Variants in PDK1 observed in about 807,000 individuals in gnomAD.
The protein encoded by PDK1 is pyruvate dehydrogenase kinase 1.
Under a neutral mutation model 54.2 loss-of-function variants are expected in PDK1, and 39 were observed. That is an observed-to-expected ratio of 0.72 (90% confidence interval 0.56 to 0.94). The LOEUF (loss-of-function observed/expected upper bound fraction) is 0.94. Among genes scored for constraint, PDK1 ranks in the 40% least tolerant of loss-of-function variants. The pLI is 0.00. For missense variants in PDK1, 552 were observed against 566.0 expected (o/e 0.98, Z 0.25); for synonymous variants, 221 against 207.1 (o/e 1.07, Z -0.58).
At chr2:172,640,525 A>T in the PDK1 span, among the ~76,000 whole-genome samples, 2 of 152,210 alleles carry the variant, frequency 1.3e-5, no homozygotes, top group African/African-American at 2.4e-5. Flanking sequence ...GATAGATAGC[A>T]TGTTTACAGA....
At chr2:172,593,825 C>G (rs954336874) in intron 10 of PDK1, among the ~76,000 whole-genome samples, 3 of 151,994 alleles carry the variant, frequency 2.0e-5, no homozygotes, top group African/African-American at 7.3e-5. Flanking sequence ...CCATCATTCC[C>G]CTTCTTCGGC....
chr2:172,699,308 G>A, the PDK1 span, among the ~76,000 whole-genome samples: 1 of 152,182 alleles, frequency 6.6e-6, no homozygotes, highest in African/African-American at 2.4e-5. Context: ...TCCTTATCAA[G>A]AGAATAATTA....
chr2:172,721,224 T>A, the PDK1 span, among the ~76,000 whole-genome samples: 1 of 152,230 alleles, frequency 6.6e-6, no homozygotes, highest in East Asian at 1.9e-4. Flanking sequence ...AACTATCTGA[T>A]GGGTTCAAGA....
the PDK1 span, among the ~76,000 whole-genome samples, chr2:172,630,740 G>A: frequency 0.032 from 4,910 of 151,318 alleles, 127 homozygotes; most frequent in South Asian, 0.14. Flanking sequence ...AGCAATTCTT[G>A]TGCCTCAGCC....
the PDK1 span, among the ~76,000 whole-genome samples, chr2:172,702,333 G>C: frequency 6.6e-6 from 1 of 152,084 alleles, no homozygotes; most frequent in Admixed American, 6.6e-5. Context: ...AAAAATTAGC[G>C]GCGCATGATG....
At chr2:172,719,788 GC>G in the PDK1 span, among the ~76,000 whole-genome samples, 1 of 152,094 alleles carries the variant, frequency 6.6e-6, no homozygotes, top group African/African-American at 2.4e-5. Context: ...TCCATTTAGA[GC>G]CTTTAACATA....
the PDK1 span, among the ~76,000 whole-genome samples, chr2:172,637,767 C>T: frequency 6.6e-6 from 1 of 152,148 alleles, no homozygotes; most frequent in Non-Finnish European, 1.5e-5. Context: ...GCAATCTTGG[C>T]TCACTGCAAC....
rs541192644 is a variant in PDK1, at chr2:172,597,458, C to A, written c.*1489C>A. 1 of 152,224 alleles carries A rather than the reference C, an allele frequency of 6.6e-6. No individual in the cohort carries two copies. The highest frequency in any genetic ancestry group is 1.5e-5 in the Non-Finnish European group (1 of 68,034). 9.4% of individuals were successfully genotyped at this position (152,224 alleles called of 1,614,324 possible). A position where few individuals can be genotyped will look rare whatever the true frequency, so the allele number is the denominator to read the frequency against. On this transcript the variant is annotated 3_prime_UTR_variant, in exon 11 of 11. Coordinates refer to ENST00000282077, the MANE Select transcript of PDK1 (RefSeq NM_002610.5). ...ATATTTTCTAAAACTATCCAGATTT[C>A]ATTATCAGGGAAAAGTTTGCTTAGG... is the stretch of plus-strand genomic sequence containing the variant.
chr2:172,588,052 T>A (rs1168409819), intron 9 of PDK1, among the ~76,000 whole-genome samples: 1 of 152,220 alleles, frequency 6.6e-6, no homozygotes. Flanking sequence ...TTTTGCCTGA[T>A]GCATAGCACA....
At chr2:172,624,077 A>C in the PDK1 span, among the ~76,000 whole-genome samples, 2 of 151,896 alleles carry the variant, frequency 1.3e-5, no homozygotes, top group African/African-American at 4.8e-5. Flanking sequence ...CAATCATCAG[A>C]TCTCCTCTGC....
chr2:172,648,168 C>T, the PDK1 span, among the ~76,000 whole-genome samples: 3 of 152,110 alleles, frequency 2.0e-5, no homozygotes, highest in South Asian at 2.1e-4. Context: ...GTAGGAAACC[C>T]GATAAAATTT....
At chr2:172,579,820 A>G (rs1689798422) in intron 8 of PDK1, among the ~76,000 whole-genome samples, 1 of 145,342 alleles carries the variant, frequency 6.9e-6, no homozygotes, top group Non-Finnish European at 1.5e-5. Flanking sequence ...TTTTCTTGAT[A>G]TTTTCCTTTT....
chr2:172,675,510 C>A, the PDK1 span, among the ~76,000 whole-genome samples: 1 of 152,186 alleles, frequency 6.6e-6, no homozygotes, highest in African/African-American at 2.4e-5. Flanking sequence ...GATTATCAAA[C>A]CAGCCGTAAC....
At chr2:172,579,977 T>C (rs1015052991) in intron 8 of PDK1, among the ~76,000 whole-genome samples, 2 of 151,512 alleles carry the variant, frequency 1.3e-5, no homozygotes, top group East Asian at 1.9e-4. Flanking sequence ...TATTGAACTT[T>C]TATTTCCATT....
the PDK1 span, among the ~76,000 whole-genome samples, chr2:172,638,044 A>G: frequency 1.3e-5 from 2 of 152,088 alleles, no homozygotes; most frequent in African/African-American, 4.8e-5. Flanking sequence ...ATAAAAACCA[A>G]TATTAAGTTA....
At chr2:172,614,886 CAG>C in the PDK1 span, among the ~76,000 whole-genome samples, 3 of 152,140 alleles carry the variant, frequency 2.0e-5, no homozygotes, top group African/African-American at 7.2e-5. Context: ...ATTAAGTTAA[CAG>C]ATAACATTTT....
chr2:172,672,552 C>A, the PDK1 span, among the ~76,000 whole-genome samples: 18 of 152,144 alleles, frequency 1.2e-4, no homozygotes, highest in South Asian at 3.7e-3. Flanking sequence ...ACAGATACTG[C>A]ATTTTTTACA....
the PDK1 span, among the ~76,000 whole-genome samples, chr2:172,709,118 A>G: frequency 6.6e-6 from 1 of 152,154 alleles, no homozygotes; most frequent in East Asian, 1.9e-4. Context: ...AATAAAAATT[A>G]ATTGGAAAAT....
rs561160845 is a variant in PDK1, at chr2:172,599,388, A to G, written c.*3419A>G. ...AGGTCCCACTGTTGCTCTGTGAATG[A>G]CTAATCAGAGGAAGCCAAAAATCAG... On this transcript the variant is annotated 3_prime_UTR_variant, in exon 11 of 11. Coordinates refer to ENST00000282077, the MANE Select transcript of PDK1 (RefSeq NM_002610.5). 23 of 152,292 alleles carry G rather than the reference A, an allele frequency of 1.5e-4. No homozygotes were observed. Among genetic ancestry groups the G allele is most frequent in the African/African-American group, 5.5e-4 (23 of 41,566 alleles). 9.4% of individuals were successfully genotyped at this position (152,292 alleles called of 1,614,324 possible). A position where few individuals can be genotyped will look rare whatever the true frequency, so the allele number is the denominator to read the frequency against.
Sources: gnomAD v4.1 joint callset for allele counts (sites outside exome capture counted in the v4.1 genomes callset) on GRCh38, gnomAD v4.1.1 for gene constraint, MANE v1.5 for transcripts, NCBI Gene and HGNC (gene_info 2026-07-23, HGNC 2026-07-21) for gene names.